The following CELSR1 variants were observed in gnomAD, a reference collection of about 807,000 sequenced individuals.
CELSR1 encodes cadherin EGF LAG seven-pass G-type receptor 1.
In CELSR1, 110 loss-of-function variants were observed where a neutral mutation model predicts 249.1. The ratio of observed to expected loss-of-function variants is 0.44; its 90% CI spans 0.38 to 0.52. The LOEUF (loss-of-function observed/expected upper bound fraction) is 0.52, where lower values mean the gene tolerates loss of function less well. CELSR1 is among the 20% of genes least tolerant of loss of function. The pLI, the probability that CELSR1 is intolerant of heterozygous loss-of-function variation, is 0.00. For synonymous variants in CELSR1, 2,113 were observed against 1,900.0 expected (o/e 1.11, Z -2.92); for missense variants, 4,109 against 4,296.4 (o/e 0.96, Z 1.22).
intron 1 of CELSR1, chr22:46,481,784 C>CTTT: frequency 2.9e-5 from 8 of 278,532 alleles, no homozygotes; most frequent in Non-Finnish European, 5.6e-5. Context: ...TTTTCTAAAT[C>CTTT]TTTTTTTTTT....
intron 5 of CELSR1, among the ~76,000 whole-genome samples, chr22:46,420,328 A>G (rs1044419753): frequency 2.7e-5 from 4 of 149,388 alleles, no homozygotes; most frequent in African/African-American, 1.0e-4. Flanking sequence ...GCACTCACCC[A>G]CTCGTGCACT....
At chr22:46,404,183 G>A (rs551867992) in intron 9 of CELSR1, among the ~76,000 whole-genome samples, 9 of 151,062 alleles carry the variant, frequency 6.0e-5, no homozygotes, top group South Asian at 2.1e-4. Flanking sequence ...AGATCGAGGC[G>A]GGTGGGTCAC....
At chr22:46,378,811 AGGCCATCCT>A (rs1394106501) in intron 22 of CELSR1, 94 bp from the exon 23 acceptor site, 1 of 1,489,122 alleles carries the variant, frequency 6.7e-7, no homozygotes, top group African/African-American at 1.4e-5. Flanking sequence ...GGGGGCTCCC[AGGCCATCCT>A]GGCCAAACCA....
rs73888535 is a variant in CELSR1, at chr22:46,507,501, G to A, written c.3544+26126C>T. On this transcript the variant is annotated intron_variant, in intron 1 of 34. Coordinates refer to ENST00000674500, the MANE Select transcript of CELSR1 (RefSeq NM_001378328.1). ...CCTCCCCGGCCTCTGTGTGGCCCTG[G>A]CTCAGGTGGGCTATACTCGGTGTGC... Among the ~76,000 whole-genome samples, 939 of 152,198 alleles carry A rather than the reference G, an allele frequency of 6.2e-3. 7 individuals carry two copies. Among genetic ancestry groups the A allele is most frequent in the African/African-American group, 0.022 (902 of 41,510 alleles).
chr22:46,403,322 GT>G (rs2079227766), intron 9 of CELSR1, among the ~76,000 whole-genome samples: 2 of 151,764 alleles, frequency 1.3e-5, no homozygotes, highest in Non-Finnish European at 2.9e-5. Flanking sequence ...GCTGAGGCGG[GT>G]GGATCACAAG....
chr22:46,409,071 G>A lies in CELSR1; in HGVS notation c.5151C>T (p.Leu1717=). 2.5e-6 allele frequency: 4 copies of A among 1,612,510 alleles called. No homozygotes were observed. The South Asian group carries it at 4.4e-5, about 18-fold the overall frequency. The change falls in exon 9 of 35, where the codon CTC becomes CTT. Residue 1717 remains leucine, a synonymous_variant. Transcript: ENST00000674500. The surrounding 1 kb of genome is among the most constrained non-coding windows in gnomAD (Gnocchi z 9.8). ...IIISVPWYLG[L]MFRTRKEDSV... is the part of the protein sequence containing the mutation. ...TGTCCTCCTTCCGGGTCCGGAACAT[G>A]AGCCCCAGGTACCAGGGCACAGAGA...
intron 1 of CELSR1, among the ~76,000 whole-genome samples, chr22:46,486,078 C>T (rs2080310507): frequency 6.6e-6 from 1 of 151,540 alleles, no homozygotes; most frequent in Non-Finnish European, 1.5e-5. Flanking sequence ...GCTGGGACTA[C>T]AGGAGCCCGC....
rs181078091 is a variant in CELSR1, at chr22:46,433,960, G to A, written c.4523-479C>T. ...GGCCTCCCAAACTGCTGGGATAACG[G>A]GCGTGAGCCACCGCGCCTGGCCTTG... is the stretch of plus-strand genomic sequence containing the variant. On this transcript the variant is annotated intron_variant, in intron 4 of 34. Coordinates refer to ENST00000674500, the MANE Select transcript of CELSR1 (RefSeq NM_001378328.1). This position sits in a 1 kb window ranked among gnomAD's most constrained non-coding sequence, Gnocchi z 5.7. Among the ~76,000 whole-genome samples the A allele has an allele frequency of 6.6e-6, 1 of 152,200 alleles. No individual in the cohort carries two copies. The highest frequency in any genetic ancestry group is 6.5e-5 in the Admixed American group (1 of 15,286).
chr22:46,473,260 C>T lies in CELSR1; in HGVS notation c.3545-8915G>A, dbSNP rs577969131. Reference sequence around the variant, plus strand: ...GCTGAATGTGCCTGGTAAGGTGACTCGGGCTGAGTGGCGGGGCCCAGATTA... The same window carrying T: ...GCTGAATGTGCCTGGTAAGGTGACTTGGGCTGAGTGGCGGGGCCCAGATTA... On this transcript the variant is annotated intron_variant, in intron 1 of 34. Coordinates refer to ENST00000674500, the MANE Select transcript of CELSR1 (RefSeq NM_001378328.1). The surrounding 1 kb of genome is among the most constrained non-coding windows in gnomAD (Gnocchi z 6.6). Among the ~76,000 whole-genome samples, 4 of 152,256 alleles carry T rather than the reference C, an allele frequency of 2.6e-5. No homozygotes were observed. Among genetic ancestry groups the T allele is most frequent in the South Asian group, 2.1e-4 (1 of 4,820 alleles).
In CELSR1 at chr22:46,407,501, G is replaced by A. The variant is rs1487439006; in HGVS notation, c.5226+1495C>T. Among the ~76,000 whole-genome samples, 1 of 152,078 alleles carries A rather than the reference G, an allele frequency of 6.6e-6. No homozygotes were observed. The highest frequency in any genetic ancestry group is 6.5e-5 in the Admixed American group (1 of 15,270). On this transcript the variant is annotated intron_variant, in intron 9 of 34. Coordinates refer to ENST00000674500, the MANE Select transcript of CELSR1 (RefSeq NM_001378328.1). The surrounding 1 kb of genome is among the most constrained non-coding windows in gnomAD (Gnocchi z 4.8). ...AGCAAATTTAGCCAGGTGTGGTGGT[G>A]AGCTCCTGTAATCCCAACTACAATG... is the stretch of plus-strand genomic sequence containing the variant.
rs1190016119 is a variant in CELSR1 at position 46,517,213 on chromosome 22, G to T, written c.3544+16414C>A. On this transcript the variant is annotated intron_variant, in intron 1 of 34. Transcript: ENST00000674500. The surrounding 1 kb of genome is among the most constrained non-coding windows in gnomAD (Gnocchi z 5.4). Reference sequence around the variant, plus strand: ...CAGGTGCAAGTTTGGCCCCTGAAGGGGCTTGGCCCATTTTCCCACTGCTCC... The same window carrying T: ...CAGGTGCAAGTTTGGCCCCTGAAGGTGCTTGGCCCATTTTCCCACTGCTCC... 6.6e-6 allele frequency among the ~76,000 whole-genome samples: 1 copy of T among 152,208 alleles called. No homozygotes were observed. Among genetic ancestry groups the T allele is most frequent in the African/African-American group, 2.4e-5 (1 of 41,442 alleles).
At position 46,441,629 on chromosome 22, in the gene CELSR1, T is replaced by G. The variant is rs73890430; in HGVS notation, c.4184-2218A>C. Among the ~76,000 whole-genome samples the G allele has an allele frequency of 0.018, 2,709 of 152,178 alleles. 82 individuals are homozygous for G. Among genetic ancestry groups the G allele is most frequent in the African/African-American group, 0.06 (2,500 of 41,492 alleles). ...TAGCAGACGGTGCCTTCTTGCCGCATAAGGGAGAGGGCTGTGGTCTCTTCC... is the reference window on the plus strand; with the variant it reads ...TAGCAGACGGTGCCTTCTTGCCGCAGAAGGGAGAGGGCTGTGGTCTCTTCC... On this transcript the variant is annotated intron_variant, in intron 2 of 34. Coordinates refer to ENST00000674500, the MANE Select transcript of CELSR1 (RefSeq NM_001378328.1). This position sits in a 1 kb window ranked among gnomAD's most constrained non-coding sequence, Gnocchi z 6.1.
chr22:46,423,578 C>A lies in CELSR1; in HGVS notation c.4611+9815G>T. 6.8e-6 allele frequency among the ~76,000 whole-genome samples: 1 copy of A among 146,586 alleles called. No homozygotes were observed. On this transcript the variant is annotated intron_variant, in intron 5 of 34. Coordinates refer to ENST00000674500, the MANE Select transcript of CELSR1 (RefSeq NM_001378328.1). This position sits in a 1 kb window ranked among gnomAD's most constrained non-coding sequence, Gnocchi z 5.6. ...CGAGATCGCGCCTTTACACTCCAGCCTGGGCAACAGGAGCGAAACTTCGTC... is the reference window on the plus strand; with the variant it reads ...CGAGATCGCGCCTTTACACTCCAGCATGGGCAACAGGAGCGAAACTTCGTC...
intron 5 of CELSR1, among the ~76,000 whole-genome samples, chr22:46,432,224 C>T (rs571976658): frequency 1.3e-5 from 2 of 152,188 alleles, no homozygotes; most frequent in African/African-American, 2.4e-5. Context: ...GGAGGGACGC[C>T]GGTGGCCAGC....
intron 1 of CELSR1, among the ~76,000 whole-genome samples, chr22:46,480,722 G>A (rs1966170): frequency 0.84 from 123,069 of 146,158 alleles, 51,704 homozygotes; most frequent in East Asian, 0.97. Context: ...GGGGGCTCTG[G>A]CTTGTTACAG....
rs539549871 is a variant in CELSR1 at position 46,417,873 on chromosome 22, G to A, written c.4612-6114C>T. Among the ~76,000 whole-genome samples the A allele has an allele frequency of 4.6e-5, 7 of 152,322 alleles. 1 individual carries two copies. In the South Asian group the frequency reaches 1.5e-3, roughly 32 times the overall value. ...TCTCAACTCAGAGTCCAGCTGGGCG[G>A]GCCCAAGGCCGGCGGGGGGCTCACA... is the stretch of plus-strand genomic sequence containing the variant. On this transcript the variant is annotated intron_variant, in intron 5 of 34. Coordinates refer to ENST00000674500, the MANE Select transcript of CELSR1 (RefSeq NM_001378328.1). The surrounding 1 kb of genome is among the most constrained non-coding windows in gnomAD (Gnocchi z 4.1).
intron 1 of CELSR1, among the ~76,000 whole-genome samples, chr22:46,482,434 C>T (rs2080275398): frequency 6.6e-6 from 1 of 152,150 alleles, no homozygotes; most frequent in East Asian, 1.9e-4. Context: ...ATAATGAGAG[C>T]AAAGACCTGT....
chr22:46,524,114 G>T (rs1354481894), intron 1 of CELSR1, among the ~76,000 whole-genome samples: 1 of 152,206 alleles, frequency 6.6e-6, no homozygotes, highest in African/African-American at 2.4e-5. Flanking sequence ...TCAGCACCAC[G>T]ATTAGAGCAC....
chr22:46,536,366 C>T lies in CELSR1; in HGVS notation c.805G>A (p.Ala269Thr). ...PAGTLILQLH[A>T]HYTIEGEEER... is the part of the protein sequence containing the mutation. The stretch of plus-strand genomic sequence containing the variant: ...TCCTCGCCCTCGATGGTGTAGTGCG[C>T]GTGCAGCTGGAGGATGAGGGTGCCC... Residue 269 changes from alanine (A) to threonine (T), a missense_variant, in exon 1 of 35, where the codon GCG becomes ACG. Ala to Thr is a moderately conservative substitution (Grantham distance 58, BLOSUM62 0). This residue lies in a region of CELSR1 where 673 missense variants were observed against 636.8 expected (regional missense o/e 1.06). Coordinates refer to ENST00000674500, the MANE Select transcript of CELSR1 (RefSeq NM_001378328.1). 6.2e-7 allele frequency: 1 copy of T among 1,612,322 alleles called. No individual in the cohort carries two copies. The highest frequency in any genetic ancestry group is 8.5e-7 in the Non-Finnish European group (1 of 1,179,518).
Sources: gnomAD v4.1 joint callset for allele counts (sites outside exome capture counted in the v4.1 genomes callset) on GRCh38, gnomAD v4.1.1 for gene constraint, gnomAD v4.1.1 regional missense constraint, Gnocchi (gnomAD v3.1) non-coding constraint, MANE v1.5 for transcripts, NCBI Gene and HGNC (gene_info 2026-07-23, HGNC 2026-07-21) for gene names.